The following HNF4A variants were observed in gnomAD, a reference collection of about 807,000 sequenced individuals.
HNF4A encodes the protein hepatocyte nuclear factor 4-alpha.
In HNF4A, 15 loss-of-function variants were observed where a neutral mutation model predicts 52.4. The observed-to-expected ratio is 0.29, with a 90% CI of 0.19 to 0.44. The LOEUF (loss-of-function observed/expected upper bound fraction) is 0.44, where lower values mean the gene tolerates loss of function less well. HNF4A is among the 20% of genes least tolerant of loss of function. The pLI is 1.00. For missense variants in HNF4A, 479 were observed against 647.2 expected, an observed-to-expected ratio of 0.74 and a Z score of 2.82; for synonymous variants, 280 against 264.4, an observed-to-expected ratio of 1.06 and a Z score of -0.57.
At chr20:44,411,838 T>G (rs112054541) in intron 3 of HNF4A, among the ~76,000 whole-genome samples, 79 of 152,012 alleles carry the variant, frequency 5.2e-4, no homozygotes, top group African/African-American at 1.7e-3. Flanking sequence ...AGTGGATCAC[T>G]TAAAGCCAGG....
intron 1 of HNF4A, chr20:44,389,620 G>A (rs4812831): frequency 0.13 from 19,493 of 152,180 alleles, 1,970 homozygotes; most frequent in East Asian, 0.35. Context: ...TGACTGTTTC[G>A]ATGGACGATT....
chr20:44,428,251 G>A (rs1179166480), intron 8 of HNF4A, 84 bp from the exon 9 acceptor site: 3 of 1,429,344 alleles, frequency 2.1e-6, no homozygotes, highest in East Asian at 4.5e-5. Context: ...CTGGTTGATT[G>A]GCCACGCCTG....
intron 1 of HNF4A, among the ~76,000 whole-genome samples, chr20:44,390,847 GAGA>G (rs2063294436): frequency 6.6e-6 from 1 of 152,140 alleles, no homozygotes; most frequent in Non-Finnish European, 1.5e-5. Context: ...GTTCCAATCA[GAGA>G]AGGAGAATCC....
At chr20:44,379,935 T>G (rs1455958161) in intron 1 of HNF4A, among the ~76,000 whole-genome samples, 1 of 152,186 alleles carries the variant, frequency 6.6e-6, no homozygotes, top group Non-Finnish European at 1.5e-5. Context: ...GGTTTCACCA[T>G]GCTGGCCAGG....
chr20:44,428,962 A>T (rs948070920), intron 9 of HNF4A, among the ~76,000 whole-genome samples: 1 of 152,216 alleles, frequency 6.6e-6, no homozygotes, highest in African/African-American at 2.4e-5. Context: ...GGATGAAGTG[A>T]TCCACTGAGA....
chr20:44,429,414 A>T, intron 9 of HNF4A, 109 bp from the exon 10 acceptor site: 1 of 1,173,428 alleles, frequency 8.5e-7, no homozygotes, highest in Non-Finnish European at 1.3e-6. Flanking sequence ...GGAAGAAATT[A>T]AGTCAAGGTG....
chr20:44,411,728 G>A (rs2063586759), intron 3 of HNF4A, among the ~76,000 whole-genome samples: 1 of 152,146 alleles, frequency 6.6e-6, no homozygotes, highest in African/African-American at 2.4e-5. Context: ...GAATAGCTGG[G>A]GTGTCAATGT....
rs1269309052 is a variant in HNF4A at position 44,425,139 on chromosome 20, G to A, written c.1129+885G>A. On this transcript the variant is annotated intron_variant, in intron 8 of 9. Transcript: ENST00000316099. Reference sequence around the variant, plus strand: ...TGGGATTACAGGCGCCCGCCACCACGCCCTGCTCATTTTTTTATATTTTTA... The same window carrying A: ...TGGGATTACAGGCGCCCGCCACCACACCCTGCTCATTTTTTTATATTTTTA... 2.6e-5 allele frequency among the ~76,000 whole-genome samples: 4 copies of A among 152,164 alleles called. 1 individual carries two copies. The highest frequency in any genetic ancestry group is 4.1e-4 in the South Asian group (2 of 4,820).
chr20:44,360,962 G>A (rs1269513226), intron 1 of HNF4A, among the ~76,000 whole-genome samples: 1 of 152,196 alleles, frequency 6.6e-6, no homozygotes, highest in East Asian at 1.9e-4. Flanking sequence ...TAACAAACAT[G>A]CCGTGTCCTT....
rs376287515 is a variant in HNF4A at position 44,414,666 on chromosome 20, A to T, written c.648+4A>T. 6.3e-7 allele frequency: 1 copy of T among 1,598,424 alleles called. No individual in the cohort carries two copies. The highest frequency in any genetic ancestry group is 1.8e-5 in the Admixed American group (1 of 56,440). ...CGAGCTCCCCCTGGACGACCAGGTG[A>T]GGATGGGCGTGGATGGTGGGCAGTA... is the stretch of plus-strand genomic sequence containing the variant. On this transcript the variant is annotated splice_donor_region_variant and intron_variant, in intron 5 of 9. Transcript: ENST00000316099.
chr20:44,362,845 T>C (rs1009740030), intron 1 of HNF4A, among the ~76,000 whole-genome samples: 189 of 136,548 alleles, frequency 1.4e-3, no homozygotes, highest in African/African-American at 4.6e-3. Flanking sequence ...TCAATTCTCT[T>C]TTTTTTTTTT....
At chr20:44,415,447 C>T (rs924602036) in intron 5 of HNF4A, among the ~76,000 whole-genome samples, 2 of 152,130 alleles carry the variant, frequency 1.3e-5, no homozygotes, top group Admixed American at 6.5e-5. Context: ...AGGAAGGTGG[C>T]GTGTGTCTGA....
intron 3 of HNF4A, among the ~76,000 whole-genome samples, chr20:44,412,526 C>T (rs1487379911): frequency 1.3e-5 from 2 of 151,978 alleles, no homozygotes; most frequent in African/African-American, 2.4e-5. Context: ...GTAAAAGGTG[C>T]GATCCGAGAG....
At chr20:44,399,935 C>T (rs1459163302), upstream of HNF4A, among the ~76,000 whole-genome samples, 3 of 152,194 alleles carry the variant, frequency 2.0e-5, no homozygotes, top group African/African-American at 7.2e-5. Context: ...GACAGGCTCC[C>T]AGGCCTCCCA....
At chr20:44,366,960 G>A (rs35365632) in intron 1 of HNF4A, among the ~76,000 whole-genome samples, 21,943 of 152,088 alleles carry the variant, frequency 0.14, 2,402 homozygotes, top group East Asian at 0.42. Context: ...TCTGGGACCC[G>A]GCTCATTTGT....
Position 44,401,270 on chromosome 20 carries a change from G to A in HNF4A, c.-103G>A, listed in dbSNP as rs2063403621. 10 of 1,588,532 alleles carry A rather than the reference G, an allele frequency of 6.3e-6. No homozygotes were observed. The highest frequency in any genetic ancestry group is 1.7e-5 in the Admixed American group (1 of 58,262). ...TCCCAGAGGACGGTTTGAAAGGAAG[G>A]CAGAGAGGGCACTGGGAGGAGGCAG... On this transcript the variant is annotated 5_prime_UTR_variant, in exon 1 of 10. Transcript: ENST00000316099.
intron 1 of HNF4A, among the ~76,000 whole-genome samples, chr20:44,375,405 G>A (rs535724541): frequency 6.6e-6 from 1 of 151,816 alleles, no homozygotes; most frequent in Non-Finnish European, 1.5e-5. Flanking sequence ...AGGCTCTTTA[G>A]TTTAATTAGG....
intron 1 of HNF4A, among the ~76,000 whole-genome samples, chr20:44,390,836 C>T (rs1026996579): frequency 5.3e-5 from 8 of 152,106 alleles, no homozygotes; most frequent in Admixed American, 3.9e-4. Context: ...GGGTGAATGA[C>T]GTTCCAATCA....
At chr20:44,372,990 C>G (rs953696719) in intron 1 of HNF4A, 2 of 152,256 alleles carry the variant, frequency 1.3e-5, no homozygotes, top group African/African-American at 4.8e-5. Context: ...CTTTATCTCT[C>G]TGATCCTCAG....
Sources: gnomAD v4.1 joint callset for allele counts (sites outside exome capture counted in the v4.1 genomes callset) on GRCh38, gnomAD v4.1.1 for gene constraint, MANE v1.5 for transcripts, NCBI Gene and HGNC (gene_info 2026-07-23, HGNC 2026-07-21) for gene names.